Variants in RAF1 observed in about 807,000 individuals in gnomAD.
RAF1 encodes the protein RAF proto-oncogene serine/threonine-protein kinase.
A neutral mutation model predicts 81.1 loss-of-function variants in RAF1; 27 were observed. The ratio of observed to expected loss-of-function variants is 0.33; its 90% CI spans 0.25 to 0.46. The LOEUF (loss-of-function observed/expected upper bound fraction) is 0.46. RAF1 is among the 20% of genes least tolerant of loss of function. The pLI is 1.00. For synonymous variants in RAF1, 298 were observed against 294.0 expected (o/e 1.01, Z -0.14); for missense variants, 598 against 826.0 (o/e 0.72, Z 3.38).
At chr3:12,661,923 A>T (rs1180637755) in intron 1 of RAF1, among the ~76,000 whole-genome samples, 1 of 151,570 alleles carries the variant, frequency 6.6e-6, no homozygotes, top group African/African-American at 2.4e-5. Flanking sequence ...AGTGGATCAC[A>T]CCTGTAATTT....
At position 12,612,003 on chromosome 3, in the gene RAF1, C is replaced by T. The variant is rs2125430752; in HGVS notation, c.267G>A (p.Arg89=). 6.2e-7 allele frequency: 1 copy of T among 1,614,154 alleles called. No homozygotes were observed. Among genetic ancestry groups the T allele is most frequent in the Non-Finnish European group, 8.5e-7 (1 of 1,180,026 alleles). The stretch of plus-strand genomic sequence containing the variant: ...CTGCACAGCACTCTGGTTGCAGGCC[C>T]CTCACCTTGAGTGCTTTCATAAGGC... The change falls in exon 3 of 18, where the codon AGG becomes AGA. Residue 89 remains arginine, a synonymous_variant. Coordinates refer to ENST00000442415, the MANE Select transcript of RAF1 (RefSeq NM_001354689.3).
chr3:12,590,326 T>G (rs2058470470), intron 13 of RAF1: 1 of 18,292 alleles, frequency 5.5e-5, no homozygotes, highest in Non-Finnish European at 1.0e-4. Context: ...CCTGAACTTC[T>G]CTTTTTTTTT....
At chr3:12,654,057 T>A (rs1484177099) in intron 1 of RAF1, among the ~76,000 whole-genome samples, 1 of 151,110 alleles carries the variant, frequency 6.6e-6, no homozygotes, top group Non-Finnish European at 1.5e-5. Context: ...CATGGCACAA[T>A]CATAGCTTAT....
chr3:12,626,335 C>T (rs2059702120), intron 1 of RAF1, among the ~76,000 whole-genome samples: 1 of 151,068 alleles, frequency 6.6e-6, no homozygotes, highest in South Asian at 2.1e-4. Flanking sequence ...ACCTGCAAAT[C>T]CCAGGACTCT....
chr3:12,616,000 C>T (rs2059357719), intron 2 of RAF1, among the ~76,000 whole-genome samples: 1 of 151,922 alleles, frequency 6.6e-6, no homozygotes, highest in East Asian at 1.9e-4. Context: ...TGCAGTGAGC[C>T]GAGATTGGGC....
intron 2 of RAF1, among the ~76,000 whole-genome samples, chr3:12,614,029 C>T (rs563743531): frequency 1.3e-5 from 2 of 152,048 alleles, no homozygotes; most frequent in East Asian, 1.9e-4. Context: ...CCTTAGCTAC[C>T]GATGGTTTTT....
At chr3:12,619,393 G>A (rs1388722234) in intron 1 of RAF1, among the ~76,000 whole-genome samples, 10 of 151,872 alleles carry the variant, frequency 6.6e-5, no homozygotes, top group Non-Finnish European at 1.0e-4. Flanking sequence ...GTAAAATGCT[G>A]TCACTACTTA....
chr3:12,637,136 C>G (rs1245146293), intron 1 of RAF1, among the ~76,000 whole-genome samples: 2 of 152,098 alleles, frequency 1.3e-5, no homozygotes, highest in Non-Finnish European at 2.9e-5. Flanking sequence ...ACAAATTCTT[C>G]AAGTGAAAAG....
intron 1 of RAF1, among the ~76,000 whole-genome samples, chr3:12,623,797 C>CAAA (rs71063844): frequency 2.5e-5 from 3 of 121,688 alleles, no homozygotes; most frequent in Non-Finnish European, 3.3e-5. Flanking sequence ...GACTCTGTCT[C>CAAA]AAAAAAAAAA....
chr3:12,615,142 C>G lies in RAF1; in HGVS notation c.208-3080G>C, dbSNP rs546525829. On this transcript the variant is annotated intron_variant, in intron 2 of 17. Transcript: ENST00000442415. ...CAGTTAGTATGGAATAAAGCCCATT[C>G]ATACAGAATGAATCTGTATTTTAAC... Among the ~76,000 whole-genome samples the G allele has an allele frequency of 7.2e-5, 11 of 152,288 alleles. No homozygotes were observed. In the South Asian group the frequency reaches 2.3e-3, roughly 32 times the overall value.
At chr3:12,591,041 C>T (rs2058499975) in intron 12 of RAF1, 67 bp from the exon 12 acceptor site, 2 of 1,445,718 alleles carry the variant, frequency 1.4e-6, no homozygotes, top group Non-Finnish European at 1.9e-6. Flanking sequence ...CTGTGCTTTC[C>T]CGTGGACAGT....
chr3:12,624,608 G>GA (rs1247211473), intron 1 of RAF1, among the ~76,000 whole-genome samples: 1 of 152,148 alleles, frequency 6.6e-6, no homozygotes, highest in Non-Finnish European at 1.5e-5. Context: ...TTCTGCATGT[G>GA]AAAGGTCTTT....
intron 11 of RAF1, among the ~76,000 whole-genome samples, chr3:12,598,746 A>C (rs1337157329): frequency 1.4e-5 from 2 of 142,098 alleles, no homozygotes; most frequent in Non-Finnish European, 3.1e-5. Flanking sequence ...AAAAAAAAAA[A>C]AAAAAAACCA....
At chr3:12,629,442 G>A (rs1171704064) in intron 1 of RAF1, among the ~76,000 whole-genome samples, 1 of 152,162 alleles carries the variant, frequency 6.6e-6, no homozygotes, top group Non-Finnish European at 1.5e-5. Flanking sequence ...ATTAGCTAAT[G>A]TATTAGCTAA....
At chr3:12,647,888 T>C (rs922185405) in intron 1 of RAF1, among the ~76,000 whole-genome samples, 1 of 152,228 alleles carries the variant, frequency 6.6e-6, no homozygotes, top group South Asian at 2.1e-4. Flanking sequence ...TTCTAAAAGT[T>C]AGCAGGGGCT....
At position 12,590,869 on chromosome 3, in the gene RAF1, C is replaced by G; in HGVS notation, c.1359G>C (p.Leu453=). ...TCTGAAACTTGGTCTCCTGGACATG[C>G]AGGTGTTTGTAGAGGCTGCTGCCCT... Residue 453 remains leucine (L), a synonymous_variant, in exon 13 of 18, where the codon CTG becomes CTC. Coordinates refer to ENST00000442415, the MANE Select transcript of RAF1 (RefSeq NM_001354689.3). 1 of 1,613,874 alleles carries G rather than the reference C, an allele frequency of 6.2e-7. No individual in the cohort carries two copies. The highest frequency in any genetic ancestry group is 8.5e-7 in the Non-Finnish European group (1 of 1,179,744).
rs2058958686 is a variant in RAF1, at chr3:12,604,284, T to C, written c.686A>G (p.Gln229Arg). The change falls in exon 7 of 18, where the codon CAG (glutamine) becomes CGG (arginine). Residue 229 changes from glutamine (Q) to arginine (R), a missense_variant. Physicochemically the swap from Gln to Arg is conservative, Grantham distance 43. Coordinates refer to ENST00000442415, the MANE Select transcript of RAF1 (RefSeq NM_001354689.3). Reference sequence around the variant, plus strand: ...GGCGTGAGGTGTAGAATATCTGTGCTGAGAACTAGGAGGAGAAAGAAAATT... The same window carrying C: ...GGCGTGAGGTGTAGAATATCTGTGCCGAGAACTAGGAGGAGAAAGAAAATT... 2 of 1,614,018 alleles carry C rather than the reference T, an allele frequency of 1.2e-6. No individual in the cohort carries two copies. The highest frequency in any genetic ancestry group is 4.5e-5 in the East Asian group (2 of 44,892).
intron 2 of RAF1, among the ~76,000 whole-genome samples, chr3:12,615,611 G>C (rs1189727724): frequency 2.0e-5 from 3 of 152,164 alleles, no homozygotes; most frequent in Non-Finnish European, 4.4e-5. Context: ...TCCACAGTTA[G>C]TTCATCTTTA....
intron 5 of RAF1, among the ~76,000 whole-genome samples, chr3:12,606,517 A>G (rs1255160886): frequency 1.3e-5 from 2 of 152,120 alleles, no homozygotes; most frequent in African/African-American, 2.4e-5. Flanking sequence ...CCTGCCAATA[A>G]ACATACAGGC....
Sources: allele counts gnomAD v4.1 joint callset (sites outside exome capture counted in the v4.1 genomes callset), GRCh38; gene constraint gnomAD v4.1.1; transcripts MANE v1.5; gene names NCBI Gene and HGNC (gene_info 2026-07-23, HGNC 2026-07-21).